Variants in RPS6KA1 observed in about 807,000 individuals in gnomAD.
RPS6KA1 encodes ribosomal protein S6 kinase alpha-1.
RPS6KA1 carries 48 observed loss-of-function variants against 91.3 expected under a neutral mutation model. That is an observed-to-expected ratio of 0.53 (90% CI 0.42 to 0.67). RPS6KA1 has a LOEUF of 0.67. RPS6KA1 is among the 30% of genes least tolerant of loss of function. The probability of loss-of-function intolerance (pLI) is 0.00; values close to 1 mark genes in which losing one functional copy is unlikely to be tolerated. For missense variants in RPS6KA1, 719 were observed against 960.5 expected, an observed-to-expected ratio of 0.75 and a Z score of 3.32; for synonymous variants, 359 against 384.7, an observed-to-expected ratio of 0.93 and a Z score of 0.78.
In RPS6KA1 at chr1:26,554,875, C is replaced by T; in HGVS notation, c.756+137C>T. The stretch of plus-strand genomic sequence containing the variant: ...AGCCAAGCTGGCCTCACCCTATATG[C>T]ACCTGCAGTTTTCTTCCTTGGAAGG... On this transcript the variant is annotated intron_variant, in intron 9 of 21. Transcript: ENST00000374168. This position sits in a 1 kb window ranked among gnomAD's most constrained non-coding sequence, Gnocchi z 4.6. The T allele has an allele frequency of 8.3e-7, 1 of 1,206,724 alleles. No individual in the cohort carries two copies. Among genetic ancestry groups the T allele is most frequent in the Non-Finnish European group, 1.2e-6 (1 of 860,090 alleles). 74.8% of individuals were successfully genotyped at this position (1,206,724 alleles called of 1,614,324 possible).
chr1:26,552,052 C>A (rs2076055182), intron 6 of RPS6KA1, among the ~76,000 whole-genome samples: 1 of 152,218 alleles, frequency 6.6e-6, no homozygotes, highest in Non-Finnish European at 1.5e-5. Context: ...GAGACTTTAG[C>A]AGTCATCTTG....
In RPS6KA1 at chr1:26,561,059, C is replaced by G. The variant is rs751695878; in HGVS notation, c.1356C>G (p.Ser452Arg). 6 of 1,613,766 alleles carry G rather than the reference C, an allele frequency of 3.7e-6. No individual in the cohort carries two copies. Among genetic ancestry groups the G allele is most frequent in the Non-Finnish European group, 5.1e-6 (6 of 1,179,978 alleles). ...CCTTTCTTCAGGTCATTGATAAGAG[C>G]AAGCGGGATCCTTCAGAAGAGATTG... ...MEYAVKVIDK[S>R]KRDPSEEIEI... Residue 452 changes from serine (S) to arginine (R), a missense_variant, in exon 16 of 22, where the codon AGC becomes AGG. By Grantham distance (110) the Ser-to-Arg change is moderately radical. Coordinates refer to ENST00000374168, the MANE Select transcript of RPS6KA1 (RefSeq NM_002953.4). The surrounding 1 kb of genome is among the most constrained non-coding windows in gnomAD (Gnocchi z 5.7).
chr1:26,558,789 C>T lies in RPS6KA1; in HGVS notation c.1085-18C>T, dbSNP rs767172672. The T allele has an allele frequency of 1.3e-6, 2 of 1,589,770 alleles. No individual in the cohort carries two copies. The highest frequency in any genetic ancestry group is 2.2e-5 in the South Asian group (2 of 90,120). Reference sequence around the variant, plus strand: ...GGACCTCCTCAGGTACCCTCACATTCTCCTTCCATCCGTACAGATTCCCCA... The same window carrying T: ...GGACCTCCTCAGGTACCCTCACATTTTCCTTCCATCCGTACAGATTCCCCA... On this transcript the variant is annotated intron_variant, in intron 13 of 21. Coordinates refer to ENST00000374168, the MANE Select transcript of RPS6KA1 (RefSeq NM_002953.4). The surrounding 1 kb of genome is among the most constrained non-coding windows in gnomAD (Gnocchi z 4.0).
rs974270607 is a variant in RPS6KA1, at chr1:26,551,332, G to C, written c.308-65G>C. ...ACAAGTGGAAAAGAGATCCCTTAGC[G>C]GGGGCTTGGGAGTGGCTGTGTTGAG... On this transcript the variant is annotated intron_variant, in intron 4 of 21. Coordinates refer to ENST00000374168, the MANE Select transcript of RPS6KA1 (RefSeq NM_002953.4). This position sits in a 1 kb window ranked among gnomAD's most constrained non-coding sequence, Gnocchi z 4.5. 1 of 1,408,914 alleles carries C rather than the reference G, an allele frequency of 7.1e-7. No individual in the cohort carries two copies. The highest frequency in any genetic ancestry group is 1.0e-6 in the Non-Finnish European group (1 of 995,678). 87.3% of individuals were successfully genotyped at this position (1,408,914 alleles called of 1,614,324 possible).
rs779904999 is a variant in RPS6KA1 at position 26,555,254 on chromosome 1, C to G, written c.827+33C>G. On this transcript the variant is annotated intron_variant, in intron 10 of 21. Coordinates refer to ENST00000374168, the MANE Select transcript of RPS6KA1 (RefSeq NM_002953.4). This position sits in a 1 kb window ranked among gnomAD's most constrained non-coding sequence, Gnocchi z 4.3. The stretch of plus-strand genomic sequence containing the variant: ...CCAGCCCTGCCCTGATAACAATGGA[C>G]TCCTCCAAGCCCCAGCCCCAGTTTG... The G allele has an allele frequency of 6.2e-7, 1 of 1,603,656 alleles. No homozygotes were observed. The highest frequency in any genetic ancestry group is 1.3e-5 in the African/African-American group (1 of 74,746).
intron 4 of RPS6KA1, among the ~76,000 whole-genome samples, chr1:26,548,816 A>G (rs1215799467): frequency 6.6e-6 from 1 of 151,716 alleles, no homozygotes; most frequent in Non-Finnish European, 1.5e-5. Context: ...AAAAAAAAAG[A>G]AAAAAGAAAA....
chr1:26,543,504 A>G (rs2075965184), intron 2 of RPS6KA1, among the ~76,000 whole-genome samples: 1 of 152,074 alleles, frequency 6.6e-6, no homozygotes, highest in South Asian at 2.1e-4. Context: ...ATTTGACTGC[A>G]GTTTTGTGGT....
rs757694670 is a variant in RPS6KA1 at position 26,558,802 on chromosome 1, T to G, written c.1085-5T>G. 4 of 1,606,444 alleles carry G rather than the reference T, an allele frequency of 2.5e-6. No individual in the cohort carries two copies. Among genetic ancestry groups the G allele is most frequent in the Non-Finnish European group, 3.4e-6 (4 of 1,174,096 alleles). On this transcript the variant is annotated splice_region_variant and splice_polypyrimidine_tract_variant and intron_variant, in intron 13 of 21. Transcript: ENST00000374168. This position sits in a 1 kb window ranked among gnomAD's most constrained non-coding sequence, Gnocchi z 4.0. ...TACCCTCACATTCTCCTTCCATCCG[T>G]ACAGATTCCCCAGGCATCCCCCCCA...
In RPS6KA1 at chr1:26,558,820, C is replaced by T. The variant is rs745901921; in HGVS notation, c.1098C>T (p.Ile366=). 7 of 1,598,148 alleles carry T rather than the reference C, an allele frequency of 4.4e-6. No individual in the cohort carries two copies. Among genetic ancestry groups the T allele is most frequent in the African/African-American group, 2.7e-5 (2 of 74,438 alleles). ...TSRTPKDSPG[I]PPSAGAHQLF... ...CCATCCGTACAGATTCCCCAGGCAT[C>T]CCCCCCAGCGCTGGGGCCCATCAGC... The change falls in exon 14 of 22, where the codon ATC becomes ATT. Residue 366 remains isoleucine, a synonymous_variant. Coordinates refer to ENST00000374168, the MANE Select transcript of RPS6KA1 (RefSeq NM_002953.4). This position sits in a 1 kb window ranked among gnomAD's most constrained non-coding sequence, Gnocchi z 4.0.
At position 26,558,734 on chromosome 1, in the gene RPS6KA1, C is replaced by T; in HGVS notation, c.1085-73C>T. ...AGGCAGGTCTGGAGGCCCTGTGCTCCCCCTTTGCTGGGCTGCCTCAGGGTC... is the reference window on the plus strand; with the variant it reads ...AGGCAGGTCTGGAGGCCCTGTGCTCTCCCTTTGCTGGGCTGCCTCAGGGTC... On this transcript the variant is annotated intron_variant, in intron 13 of 21. Coordinates refer to ENST00000374168, the MANE Select transcript of RPS6KA1 (RefSeq NM_002953.4). This position sits in a 1 kb window ranked among gnomAD's most constrained non-coding sequence, Gnocchi z 4.0. The T allele has an allele frequency of 4.6e-6, 7 of 1,530,916 alleles. No homozygotes were observed. The South Asian group carries it at 8.6e-5, about 19-fold the overall frequency. The allele number at this position is 1,530,916 out of a possible 1,614,324, so 94.8% of individuals were successfully genotyped here.
chr1:26,554,614 A>G lies in RPS6KA1; in HGVS notation c.632A>G (p.Glu211Gly). The G allele has an allele frequency of 6.2e-7, 1 of 1,613,122 alleles. No individual in the cohort carries two copies. Among genetic ancestry groups the G allele is most frequent in the South Asian group, 1.1e-5 (1 of 91,042 alleles). ...GCTGTAGACTTTGGCCTGAGCAAAG[A>G]GGCCATTGACCACGAGAAGAAGGCC... Reference protein sequence around the residue: ...IKLTDFGLSKEAIDHEKKAYS... With the variant: ...IKLTDFGLSKGAIDHEKKAYS... Residue 211 changes from glutamate to glycine, a missense_variant, in exon 9 of 22, where the codon GAG (glutamate) becomes GGG (glycine). Physicochemically the swap from Glu to Gly is moderately conservative, Grantham distance 98 (BLOSUM62 -2). Transcript: ENST00000374168. The surrounding 1 kb of genome is among the most constrained non-coding windows in gnomAD (Gnocchi z 4.6).
intron 1 of RPS6KA1, 96 bp from the exon 2 acceptor site, chr1:26,536,829 A>C: frequency 1.4e-6 from 2 of 1,407,230 alleles, no homozygotes; most frequent in South Asian, 2.3e-5. Context: ...CTCCATGGCT[A>C]TTGGGAGCAC....
chr1:26,549,121 G>A (rs1021710669), intron 4 of RPS6KA1, among the ~76,000 whole-genome samples: 25 of 150,184 alleles, frequency 1.7e-4, no homozygotes, highest in African/African-American at 5.9e-4. Flanking sequence ...CATACTAGAT[G>A]GATGGACTAG....
Position 26,561,379 on chromosome 1 carries a change from C to A in RPS6KA1, c.1432-126C>A. ...CATCCTCCTTTTGGGGAAGGCAGGA[C>A]CACTGAAGAGCAAGCAGAACACCTG... is the stretch of plus-strand genomic sequence containing the variant. On this transcript the variant is annotated intron_variant, in intron 16 of 21. Coordinates refer to ENST00000374168, the MANE Select transcript of RPS6KA1 (RefSeq NM_002953.4). The surrounding 1 kb of genome is among the most constrained non-coding windows in gnomAD (Gnocchi z 5.7). The A allele has an allele frequency of 8.1e-7, 1 of 1,241,028 alleles. No individual in the cohort carries two copies. The highest frequency in any genetic ancestry group is 1.2e-6 in the Non-Finnish European group (1 of 864,868). 76.9% of individuals were successfully genotyped at this position (1,241,028 alleles called of 1,614,324 possible). A position where few individuals can be genotyped will look rare whatever the true frequency, so the allele number is the denominator to read the frequency against.
At chr1:26,562,825 C>CTTTTT (rs748764001) in intron 17 of RPS6KA1, among the ~76,000 whole-genome samples, 4 of 81,432 alleles carry the variant, frequency 4.9e-5, no homozygotes, top group Admixed American at 1.5e-4. Flanking sequence ...TCCTATTGTC[C>CTTTTT]TTTTTTTTTT....
At chr1:26,530,028 C>A in intron 1 of RPS6KA1, 45 bp downstream of exon 1, 2 of 1,271,820 alleles carry the variant, frequency 1.6e-6, no homozygotes. Context: ...CCGGCGAGCC[C>A]GGATCCTCAC....
chr1:26,552,386 C>CA (rs1197852280), intron 6 of RPS6KA1, among the ~76,000 whole-genome samples: 6,050 of 54,002 alleles, frequency 0.11, 623 homozygotes, highest in African/African-American at 0.25. Context: ...GACTCTGTCT[C>CA]AAAAAAAAAA....
intron 1 of RPS6KA1, among the ~76,000 whole-genome samples, chr1:26,533,418 A>G (rs1231933323): frequency 6.6e-6 from 1 of 152,104 alleles, no homozygotes; most frequent in Non-Finnish European, 1.5e-5. Context: ...TCAAAAAGTG[A>G]TATGAGGCCA....
rs2076080584 is a variant in RPS6KA1 at position 26,554,428 on chromosome 1, A to G, written c.614-168A>G. The stretch of plus-strand genomic sequence containing the variant: ...CCCTCAGCTGGAATCCCAGCCCCTC[A>G]TTGTGTAACGTTGAGCAAGTCACCT... On this transcript the variant is annotated intron_variant, in intron 8 of 21. Transcript: ENST00000374168. This position sits in a 1 kb window ranked among gnomAD's most constrained non-coding sequence, Gnocchi z 4.6. 2 of 1,135,810 alleles carry G rather than the reference A, an allele frequency of 1.8e-6. No homozygotes were observed. Among genetic ancestry groups the G allele is most frequent in the Admixed American group, 2.3e-5 (1 of 44,194 alleles). 70.4% of individuals were successfully genotyped at this position (1,135,810 alleles called of 1,614,324 possible).
Sources: allele counts gnomAD v4.1 joint callset (sites outside exome capture counted in the v4.1 genomes callset), GRCh38; gene constraint gnomAD v4.1.1; non-coding constraint Gnocchi (gnomAD v3.1); transcripts MANE v1.5; gene names NCBI Gene and HGNC (gene_info 2026-07-23, HGNC 2026-07-21).